The following RBPMS variants were observed in gnomAD, a reference collection of about 807,000 sequenced individuals.
The protein encoded by RBPMS is RNA-binding protein with multiple splicing.
In RBPMS, 7 loss-of-function variants were observed where a neutral mutation model predicts 26.8. That is an observed-to-expected ratio of 0.26 (90% CI 0.15 to 0.49). The LOEUF (loss-of-function observed/expected upper bound fraction) is 0.49, where lower values mean the gene tolerates loss of function less well. Among genes scored for constraint, RBPMS ranks in the 20% least tolerant of loss-of-function variants. The probability of loss-of-function intolerance (pLI) is 0.98; values close to 1 mark genes in which losing one functional copy is unlikely to be tolerated. For missense variants in RBPMS, 186 were observed against 250.0 expected (o/e 0.74, Z 1.73); for synonymous variants, 96 against 93.3 (o/e 1.03, Z -0.17).
chr8:30,463,827 A>G (rs1433467635), intron 1 of RBPMS, among the ~76,000 whole-genome samples: 1 of 152,248 alleles, frequency 6.6e-6, no homozygotes, highest in East Asian at 1.9e-4. Flanking sequence ...TGTGAACCAC[A>G]TGCTTTGAGC....
chr8:30,420,996 T>C (rs961151145), intron 1 of RBPMS, among the ~76,000 whole-genome samples: 1 of 152,228 alleles, frequency 6.6e-6, no homozygotes, highest in Admixed American at 6.5e-5. Flanking sequence ...TACTTACCTA[T>C]TTGAAGTCAT....
chr8:30,518,877 C>T (rs1310072015), intron 5 of RBPMS, among the ~76,000 whole-genome samples: 1 of 151,422 alleles, frequency 6.6e-6, no homozygotes. Context: ...ATGCTGATTA[C>T]ACCTCACACC....
chr8:30,418,826 G>T (rs1018253522), intron 1 of RBPMS, among the ~76,000 whole-genome samples: 1 of 152,032 alleles, frequency 6.6e-6, no homozygotes, highest in South Asian at 2.1e-4. Flanking sequence ...TGATCCATCC[G>T]CCTCAGCCTC....
chr8:30,480,270 G>A (rs898608717), intron 4 of RBPMS, among the ~76,000 whole-genome samples: 21 of 152,178 alleles, frequency 1.4e-4, no homozygotes, highest in Non-Finnish European at 1.9e-4. Flanking sequence ...TTTTGGAGGC[G>A]TCTGGGAACT....
intron 6 of RBPMS, among the ~76,000 whole-genome samples, chr8:30,550,864 T>G (rs1423351713): frequency 6.6e-6 from 1 of 152,224 alleles, no homozygotes; most frequent in Non-Finnish European, 1.5e-5. Context: ...GAATGGCCCT[T>G]GCCCTCACGA....
intron 6 of RBPMS, 151 bp from the exon 7 acceptor site, chr8:30,558,736 T>G: frequency 1.4e-6 from 1 of 719,746 alleles, no homozygotes; most frequent in Non-Finnish European, 2.5e-6. Context: ...CTCTGATGCT[T>G]TTCAGCCCCT....
chr8:30,466,496 T>C (rs1462634716), intron 1 of RBPMS, among the ~76,000 whole-genome samples: 1 of 152,108 alleles, frequency 6.6e-6, no homozygotes, highest in African/African-American at 2.4e-5. Context: ...CAGTGAGCTA[T>C]GATTGCACCG....
chr8:30,393,201 G>A (rs1487264698), intron 1 of RBPMS, among the ~76,000 whole-genome samples: 3 of 151,982 alleles, frequency 2.0e-5, no homozygotes, highest in Non-Finnish European at 4.4e-5. Flanking sequence ...AAGCCTGAGG[G>A]GGAGCTTAGA....
intron 1 of RBPMS, among the ~76,000 whole-genome samples, chr8:30,430,282 C>G (rs1811788217): frequency 6.6e-6 from 1 of 152,034 alleles, no homozygotes. Context: ...CTTATATGTC[C>G]CCCTGTTGTC....
Position 30,511,825 on chromosome 8 carries a change from A to G in RBPMS, c.397+7389A>G, listed in dbSNP as rs537977327. On this transcript the variant is annotated intron_variant, in intron 5 of 8. Transcript: ENST00000397323. ...GGCAACAGAGTGAGACTGTGTCTCAAAAAAAAATCAAGCTTCAGTATAATT... is the reference window on the plus strand; with the variant it reads ...GGCAACAGAGTGAGACTGTGTCTCAGAAAAAAATCAAGCTTCAGTATAATT... Among the ~76,000 whole-genome samples, 5 of 151,864 alleles carry G rather than the reference A, an allele frequency of 3.3e-5. No homozygotes were observed. The East Asian group carries it at 9.7e-4, about 29-fold the overall frequency.
intron 6 of RBPMS, chr8:30,555,839 C>T (rs1038880857): frequency 8.2e-6 from 8 of 979,766 alleles, no homozygotes; most frequent in African/African-American, 5.2e-5. Context: ...ACAAGCAGCC[C>T]GAATGGGGCT....
At chr8:30,532,839 A>G (rs1055693511) in intron 5 of RBPMS, among the ~76,000 whole-genome samples, 1 of 152,190 alleles carries the variant, frequency 6.6e-6, no homozygotes, top group Non-Finnish European at 1.5e-5. Context: ...TCCATTTCCA[A>G]ATGGTTTCTA....
intron 4 of RBPMS, among the ~76,000 whole-genome samples, chr8:30,485,818 C>A (rs538876487): frequency 6.6e-6 from 1 of 152,194 alleles, no homozygotes; most frequent in Non-Finnish European, 1.5e-5. Flanking sequence ...TTATTTAGTT[C>A]TAGAATCTGT....
At chr8:30,511,527 TTCTG>T (rs1308567293) in intron 5 of RBPMS, among the ~76,000 whole-genome samples, 6 of 11,018 alleles carry the variant, frequency 5.4e-4, no homozygotes, top group Admixed American at 2.4e-3. Flanking sequence ...ATATATATAT[TTCTG>T]TGTGTGTGTG....
At position 30,570,804 on chromosome 8, in the gene RBPMS, T is replaced by G. The variant is rs984333640; in HGVS notation, c.*279T>G. 3 of 152,632 alleles carry G rather than the reference T, an allele frequency of 2.0e-5. No homozygotes were observed. The highest frequency in any genetic ancestry group is 7.2e-5 in the African/African-American group (3 of 41,458). The allele number at this position is 152,632 out of a possible 1,614,324, so 9.5% of individuals were successfully genotyped here. ...TTATTTGTGAATGCATGGTCTGAAA[T>G]TTCTGTACAGTTTGGAGATATTTTC... On this transcript the variant is annotated 3_prime_UTR_variant, in exon 9 of 9. Coordinates refer to ENST00000397323, the MANE Select transcript of RBPMS (RefSeq NM_001008710.3).
chr8:30,556,374 G>C (rs1026264656), intron 6 of RBPMS: 11 of 985,720 alleles, frequency 1.1e-5, no homozygotes, highest in Non-Finnish European at 1.3e-5. Context: ...GCAGGCACCT[G>C]TGCGAGTGAG....
chr8:30,460,691 A>G (rs1342774131), intron 1 of RBPMS, among the ~76,000 whole-genome samples: 2 of 152,224 alleles, frequency 1.3e-5, no homozygotes, highest in South Asian at 2.1e-4. Flanking sequence ...CAGGAAAATT[A>G]TAAGTTGAAA....
At chr8:30,512,982 G>GA (rs1821880618) in intron 5 of RBPMS, among the ~76,000 whole-genome samples, 1 of 151,940 alleles carries the variant, frequency 6.6e-6, no homozygotes, top group Admixed American at 6.6e-5. Context: ...GGTACACTTA[G>GA]AAAGGCAGCC....
intron 1 of RBPMS, among the ~76,000 whole-genome samples, chr8:30,437,642 T>A (rs887800253): frequency 2.6e-5 from 4 of 152,152 alleles, no homozygotes; most frequent in African/African-American, 9.7e-5. Flanking sequence ...AATAAAAAAA[T>A]TAGCCGGGCA....
Sources: allele counts gnomAD v4.1 joint callset (sites outside exome capture counted in the v4.1 genomes callset), GRCh38; gene constraint gnomAD v4.1.1; transcripts MANE v1.5; gene names NCBI Gene and HGNC (gene_info 2026-07-23, HGNC 2026-07-21).